IL34: variants seen among roughly 807,000 people sequenced by gnomAD.
IL34 encodes interleukin 34, also known as interleukin-34.
A neutral mutation model predicts 25.3 loss-of-function variants in IL34; 17 were observed. The ratio of observed to expected loss-of-function variants is 0.67; its 90% CI spans 0.46 to 1.01. The LOEUF is 1.01. IL34 is among the 50% of genes least tolerant of loss of function. The pLI is 0.00. For synonymous variants in IL34, 174 were observed against 140.9 expected (o/e 1.23, Z -1.66); for missense variants, 368 against 312.9 (o/e 1.18, Z -1.33).
At chr16:70,607,487 T>C in intron 1 of IL34, among the ~76,000 whole-genome samples, 1 of 152,198 alleles carries the variant, frequency 6.6e-6, no homozygotes, top group East Asian at 1.9e-4. Flanking sequence ...CCTCCCCCTT[T>C]TTCTGGCCTG....
chr16:70,646,930 G>A lies in IL34; in HGVS notation c.-18G>A. 1 of 1,479,948 alleles carries A rather than the reference G, an allele frequency of 6.8e-7. No homozygotes were observed. Among genetic ancestry groups the A allele is most frequent in the Middle Eastern group, 1.7e-4 (1 of 5,776 alleles). 91.7% of individuals were successfully genotyped at this position (1,479,948 alleles called of 1,614,324 possible). On this transcript the variant is annotated 5_prime_UTR_variant, in exon 1 of 6. Coordinates refer to ENST00000288098, the MANE Select transcript of IL34 (RefSeq NM_001393494.1). Reference sequence around the variant, plus strand: ...TGGGGACGGCGCCTGAGCTCTCAGGGGGACGAGGAACACCACCATGCCCCG... The same window carrying A: ...TGGGGACGGCGCCTGAGCTCTCAGGAGGACGAGGAACACCACCATGCCCCG...
At chr16:70,650,631 G>A (rs557237978) in intron 1 of IL34, among the ~76,000 whole-genome samples, 1 of 152,314 alleles carries the variant, frequency 6.6e-6, no homozygotes, top group Non-Finnish European at 1.5e-5. Flanking sequence ...TTGAATTGTT[G>A]TGTGAAATCC....
chr16:70,590,658 C>T (rs1196124690), intron 1 of IL34, among the ~76,000 whole-genome samples: 1 of 152,166 alleles, frequency 6.6e-6, no homozygotes, highest in Non-Finnish European at 1.5e-5. Flanking sequence ...CTCAAATCCT[C>T]ACCATAGCCC....
Position 70,654,547 on chromosome 16 carries a change from T to C in IL34, c.38T>C (p.Ile13Thr), listed in dbSNP as rs1424175530. The C allele has an allele frequency of 6.2e-7, 1 of 1,609,894 alleles. No homozygotes were observed. Among genetic ancestry groups the C allele is most frequent in the African/African-American group, 1.3e-5 (1 of 74,876 alleles). Residue 13 changes from isoleucine (I) to threonine (T), a missense_variant, in exon 2 of 6, where the codon ATC (isoleucine) becomes ACC (threonine). Transcript: ENST00000288098. The part of the protein sequence containing the change: ...RGFTWLRYLG[I>T]FLGVALGNEP... ...CGGGTGTGGTCCACAGATCTTGGGA[T>C]CTTCCTTGGCGTGGCCTTGGGGAAT...
chr16:70,643,754 A>G (rs2051842009), upstream of IL34, among the ~76,000 whole-genome samples: 1 of 152,250 alleles, frequency 6.6e-6, no homozygotes, highest in South Asian at 2.1e-4. Context: ...TAAGATGCAC[A>G]TCAGAGATTT....
intron 1 of IL34, among the ~76,000 whole-genome samples, chr16:70,623,837 G>A (rs1414011912): frequency 6.6e-6 from 1 of 150,956 alleles, no homozygotes; most frequent in African/African-American, 2.5e-5. Context: ...GTTGGCACCA[G>A]AGTTGGGGAG....
At chr16:70,656,003 A>G (rs1023805791) in intron 2 of IL34, among the ~76,000 whole-genome samples, 1 of 152,212 alleles carries the variant, frequency 6.6e-6, no homozygotes, top group Non-Finnish European at 1.5e-5. Context: ...AACCATCACC[A>G]TCATAGGTTT....
chr16:70,604,579 C>A (rs943544843), intron 1 of IL34, among the ~76,000 whole-genome samples: 1 of 152,214 alleles, frequency 6.6e-6, no homozygotes, highest in Admixed American at 6.5e-5. Context: ...CCAAGAATTC[C>A]ATTTTCCCCA....
intron 1 of IL34, among the ~76,000 whole-genome samples, chr16:70,581,150 G>C (rs1225414084): frequency 6.6e-6 from 1 of 152,122 alleles, no homozygotes; most frequent in Admixed American, 6.5e-5. Flanking sequence ...GACCTCAAGT[G>C]ATCCACCCAC....
At chr16:70,639,600 G>A (rs967945605) in intron 1 of IL34, among the ~76,000 whole-genome samples, 10 of 137,120 alleles carry the variant, frequency 7.3e-5, no homozygotes, top group East Asian at 6.5e-4. Context: ...ACACAGCACC[G>A]CTTGTATCGT....
At chr16:70,583,935 A>T (rs2050662966) in intron 1 of IL34, among the ~76,000 whole-genome samples, 1 of 152,080 alleles carries the variant, frequency 6.6e-6, no homozygotes, top group South Asian at 2.1e-4. Context: ...TACGAGCGTG[A>T]ACCACCGTGC....
intron 1 of IL34, among the ~76,000 whole-genome samples, chr16:70,633,609 C>A (rs2051569497): frequency 6.6e-6 from 1 of 152,002 alleles, no homozygotes; most frequent in South Asian, 2.1e-4. Context: ...ATAGTAGTTT[C>A]CCAGAGCTTC....
At chr16:70,617,731 G>C (rs1222006235) in intron 1 of IL34, among the ~76,000 whole-genome samples, 1 of 148,752 alleles carries the variant, frequency 6.7e-6, no homozygotes, top group Admixed American at 6.7e-5. Flanking sequence ...ACGGAGGACC[G>C]TAAGGGATAT....
chr16:70,648,926 C>T (rs1393618132), intron 1 of IL34, among the ~76,000 whole-genome samples: 1 of 152,152 alleles, frequency 6.6e-6, no homozygotes, highest in African/African-American at 2.4e-5. Context: ...TGGCTTGTGG[C>T]CTAGTCACTC....
chr16:70,580,471 A>G (rs962495808), intron 1 of IL34, among the ~76,000 whole-genome samples: 3 of 152,206 alleles, frequency 2.0e-5, no homozygotes, highest in Non-Finnish European at 2.9e-5. Flanking sequence ...ACTTGCATGT[A>G]TTACTTTATC....
At chr16:70,659,531 C>G (rs944239924) in intron 4 of IL34, 87 bp from the exon 5 acceptor site, 1 of 1,467,590 alleles carries the variant, frequency 6.8e-7, no homozygotes, top group South Asian at 1.5e-5. Context: ...GGGGTTTGGG[C>G]AGCTCCAGGT....
rs932090107 is a variant in IL34, at chr16:70,659,734, G to A, written c.519G>A (p.Glu173=). 3 of 1,605,432 alleles carry A rather than the reference G, an allele frequency of 1.9e-6. No individual in the cohort carries two copies. Among genetic ancestry groups the A allele is most frequent in the African/African-American group, 2.7e-5 (2 of 74,908 alleles). The change falls in exon 5 of 6, where the codon GAG becomes GAA. Residue 173 remains glutamate (E), a synonymous_variant. Transcript: ENST00000288098. ...ALLDNCFRVM[E]LLYCSCCKQS... ...TGGACAACTGCTTCCGGGTCATGGA[G>A]CTGCTGTACTGCTCCTGCTGTAAGG...
At chr16:70,648,146 C>G (rs1436651098) in intron 1 of IL34, among the ~76,000 whole-genome samples, 1 of 152,134 alleles carries the variant, frequency 6.6e-6, no homozygotes, top group Admixed American at 6.5e-5. Flanking sequence ...GGGGTGGAAT[C>G]GTGATTGGGA....
At chr16:70,659,545 T>C (rs2052328892) in intron 4 of IL34, 73 bp from the exon 5 acceptor site, 2 of 1,510,730 alleles carry the variant, frequency 1.3e-6, no homozygotes, top group Non-Finnish European at 1.8e-6. Context: ...TCCAGGTGAC[T>C]GGACAGCCCT....
Sources: gnomAD v4.1 joint callset for allele counts (sites outside exome capture counted in the v4.1 genomes callset) on GRCh38, gnomAD v4.1.1 for gene constraint, MANE v1.5 for transcripts, NCBI Gene and HGNC (gene_info 2026-07-23, HGNC 2026-07-21) for gene names.